RAPGEF5: variants seen among roughly 807,000 people sequenced by gnomAD.
RAPGEF5 encodes Rap guanine nucleotide exchange factor 5.
A neutral mutation model predicts 125.2 loss-of-function variants in RAPGEF5; 65 were observed. The ratio of observed to expected loss-of-function variants is 0.52; its 90% CI spans 0.43 to 0.64. The LOEUF (loss-of-function observed/expected upper bound fraction) is 0.64, where lower values mean the gene tolerates loss of function less well. Ranked by LOEUF, RAPGEF5 falls within the 30% of genes least tolerant of loss-of-function variation. RAPGEF5 has a pLI of 0.00. For synonymous variants in RAPGEF5, 391 were observed against 385.9 expected, an observed-to-expected ratio of 1.01 and a Z score of -0.16; for missense variants, 958 against 1,048.1, an observed-to-expected ratio of 0.91 and a Z score of 1.19.
chr7:22,254,608 C>CAAA (rs11330777), intron 7 of RAPGEF5, among the ~76,000 whole-genome samples: 2 of 83,014 alleles, frequency 2.4e-5, no homozygotes, highest in African/African-American at 4.5e-5. Flanking sequence ...AACTCCGTCT[C>CAAA]AAAAAAAAAA....
At chr7:22,331,153 G>A (rs560256361) in intron 1 of RAPGEF5, among the ~76,000 whole-genome samples, 2 of 152,238 alleles carry the variant, frequency 1.3e-5, no homozygotes, top group East Asian at 1.9e-4. Flanking sequence ...GGGAGGAAAC[G>A]GGGTTTTAAA....
intron 5 of RAPGEF5, among the ~76,000 whole-genome samples, chr7:22,307,287 T>C (rs377142850): frequency 2.0e-5 from 3 of 152,100 alleles, no homozygotes; most frequent in East Asian, 3.9e-4. Context: ...AGTTCCTAGG[T>C]ATTTAATTTT....
At chr7:22,353,912 GAA>G (rs36022234) in intron 1 of RAPGEF5, among the ~76,000 whole-genome samples, 3 of 150,516 alleles carry the variant, frequency 2.0e-5, no homozygotes, top group East Asian at 1.9e-4. Flanking sequence ...AAAGAAATAG[GAA>G]AAAAAAAATT....
At chr7:22,331,214 C>T (rs749723584) in intron 1 of RAPGEF5, among the ~76,000 whole-genome samples, 2 of 152,206 alleles carry the variant, frequency 1.3e-5, no homozygotes, top group African/African-American at 2.4e-5. Flanking sequence ...AGATCTTTCA[C>T]TGAGGGTAAG....
At chr7:22,308,158 T>C (rs147801524) in intron 5 of RAPGEF5, among the ~76,000 whole-genome samples, 181 bp downstream of exon 5, 4 of 152,210 alleles carry the variant, frequency 2.6e-5, no homozygotes, top group African/African-American at 9.6e-5. Flanking sequence ...TACCAGTTAT[T>C]TATTAGCTGG....
At chr7:22,346,532 C>T (rs1784228002) in intron 1 of RAPGEF5, among the ~76,000 whole-genome samples, 1 of 152,130 alleles carries the variant, frequency 6.6e-6, no homozygotes, top group South Asian at 2.1e-4. Flanking sequence ...CTTCCCTCAA[C>T]AGTAATGAGA....
At chr7:22,138,034 C>T (rs1248393690) in intron 21 of RAPGEF5, among the ~76,000 whole-genome samples, 4 of 144,370 alleles carry the variant, frequency 2.8e-5, no homozygotes, top group Non-Finnish European at 6.1e-5. Context: ...CACACACACA[C>T]GCACGCACGC....
intron 17 of RAPGEF5, among the ~76,000 whole-genome samples, chr7:22,151,263 T>C (rs71526388): frequency 0.018 from 2,729 of 152,302 alleles, 45 homozygotes; most frequent in Admixed American, 0.054. Flanking sequence ...TTTAAATCTT[T>C]GTCTGCTTAT....
intron 11 of RAPGEF5, among the ~76,000 whole-genome samples, chr7:22,185,891 G>A (rs1784810489): frequency 6.6e-6 from 1 of 150,872 alleles, no homozygotes; most frequent in Non-Finnish European, 1.5e-5. Context: ...GTCTTACTCT[G>A]TTGCCCAAGC....
chr7:22,352,007 T>A (rs1487091914), intron 1 of RAPGEF5, among the ~76,000 whole-genome samples: 1 of 152,208 alleles, frequency 6.6e-6, no homozygotes, highest in Non-Finnish European at 1.5e-5. Context: ...GAACCCTGGC[T>A]AGTGAAGGGT....
chr7:22,246,727 T>C lies in RAPGEF5; in HGVS notation c.797-15808A>G, dbSNP rs953506833. Among the ~76,000 whole-genome samples the C allele has an allele frequency of 9.9e-5, 15 of 152,236 alleles. No individual in the cohort carries two copies. The East Asian group carries it at 2.7e-3, about 27-fold the overall frequency. On this transcript the variant is annotated intron_variant, in intron 7 of 25. Transcript: ENST00000665637. ...TGCAGCAAAAACAAAAACTGACAAGTGGGACCTAATTAAACTAAAGAGTTT... is the reference window on the plus strand; with the variant it reads ...TGCAGCAAAAACAAAAACTGACAAGCGGGACCTAATTAAACTAAAGAGTTT...
chr7:22,134,422 T>C (rs1783015146), intron 23 of RAPGEF5, among the ~76,000 whole-genome samples: 1 of 152,210 alleles, frequency 6.6e-6, no homozygotes, highest in South Asian at 2.1e-4. Context: ...AAGGGAAATT[T>C]GTCTTGCTGC....
Position 22,318,044 on chromosome 7 carries a change from T to C in RAPGEF5, c.232-7A>G, listed in dbSNP as rs1179113340. 3 of 1,514,138 alleles carry C rather than the reference T, an allele frequency of 2.0e-6. No homozygotes were observed. The African/African-American group carries it at 4.3e-5, about 22-fold the overall frequency. 93.8% of individuals were successfully genotyped at this position (1,514,138 alleles called of 1,614,324 possible). A position where few individuals can be genotyped will look rare whatever the true frequency, so the allele number is the denominator to read the frequency against. On this transcript the variant is annotated splice_polypyrimidine_tract_variant and splice_region_variant and intron_variant, in intron 1 of 25. Coordinates refer to ENST00000665637, the MANE Select transcript of RAPGEF5 (RefSeq NM_012294.5). ...ATATTCTTCTTGATAGAGTCTATTT[T>C]AAACAAAGAAAAAAAAAATAGTTAG...
rs1048111912 is a variant in RAPGEF5, at chr7:22,121,252, A to G, written c.*1154T>C. On this transcript the variant is annotated 3_prime_UTR_variant, in exon 26 of 26. Coordinates refer to ENST00000665637, the MANE Select transcript of RAPGEF5 (RefSeq NM_012294.5). ...AAAAAAAAAAAAAAAAAGGCAAATT[A>G]TAGAAAGGCTCCCTGCTTTGGCTGG... 9 of 150,218 alleles carry G rather than the reference A, an allele frequency of 6.0e-5. No individual in the cohort carries two copies. The highest frequency in any genetic ancestry group is 2.2e-4 in the African/African-American group (9 of 40,782). 9.3% of individuals were successfully genotyped at this position (150,218 alleles called of 1,614,324 possible).
intron 12 of RAPGEF5, among the ~76,000 whole-genome samples, chr7:22,165,378 A>G (rs1784131308): frequency 6.6e-6 from 1 of 152,206 alleles, no homozygotes; most frequent in African/African-American, 2.4e-5. Context: ...ATGGGTGGTA[A>G]TTGTTTTAGA....
chr7:22,137,224 A>T (rs761324134), intron 21 of RAPGEF5, among the ~76,000 whole-genome samples: 12 of 152,246 alleles, frequency 7.9e-5, no homozygotes, highest in Non-Finnish European at 1.6e-4. Flanking sequence ...TCAGGAATCT[A>T]GTTGGTTAGA....
intron 24 of RAPGEF5, among the ~76,000 whole-genome samples, chr7:22,127,791 A>T (rs1782795228): frequency 6.6e-6 from 1 of 152,226 alleles, no homozygotes; most frequent in Non-Finnish European, 1.5e-5. Flanking sequence ...AAACACTAAA[A>T]TATGTTCTTA....
rs1429821591 is a variant in RAPGEF5, at chr7:22,342,164, G to A, written c.231+14666C>T. Among the ~76,000 whole-genome samples the A allele has an allele frequency of 3.9e-5, 6 of 152,182 alleles. No individual in the cohort carries two copies. The South Asian group carries it at 8.3e-4, about 21-fold the overall frequency. On this transcript the variant is annotated intron_variant, in intron 1 of 25. Coordinates refer to ENST00000665637, the MANE Select transcript of RAPGEF5 (RefSeq NM_012294.5). ...TGTGCACTCACAGACTCAACACAAC[G>A]TGGAAGTTGCCAAAGCTTGGAGCTT...
intron 5 of RAPGEF5, among the ~76,000 whole-genome samples, chr7:22,304,976 C>A (rs1783301787): frequency 6.6e-6 from 1 of 152,072 alleles, no homozygotes; most frequent in African/African-American, 2.4e-5. Flanking sequence ...TTCACCAGAG[C>A]TTAGTCTAAC....
Sources: allele counts gnomAD v4.1 joint callset (sites outside exome capture counted in the v4.1 genomes callset), GRCh38; gene constraint gnomAD v4.1.1; transcripts MANE v1.5; gene names NCBI Gene and HGNC (gene_info 2026-07-23, HGNC 2026-07-21).